Variants in CELF2 observed in about 807,000 individuals in gnomAD.
CELF2 encodes the protein CUGBP Elav-like family member 2, also known as CUG triplet repeat RNA-binding protein 2.
Under a neutral mutation model 62.6 loss-of-function variants are expected in CELF2, and 8 were observed. That is an observed-to-expected ratio of 0.13 (90% CI 0.07 to 0.23). The LOEUF is 0.23. CELF2 is among the 10% of genes least tolerant of loss of function. The pLI is 1.00. For synonymous variants in CELF2, 258 were observed against 250.0 expected, an observed-to-expected ratio of 1.03 and a Z score of -0.30; for missense variants, 333 against 671.0, an observed-to-expected ratio of 0.50 and a Z score of 5.56.
chr10:11,176,569 A>G (rs1414506093), intron 2 of CELF2, among the ~76,000 whole-genome samples: 2 of 152,120 alleles, frequency 1.3e-5, no homozygotes, highest in African/African-American at 4.8e-5. Flanking sequence ...TTGTTTTCGA[A>G]TGGGTGTGGC....
In CELF2 at chr10:10,838,531, C is replaced by G. The variant is rs561280155; in HGVS notation, c.53+39714C>G. 5.3e-5 allele frequency among the ~76,000 whole-genome samples: 8 copies of G among 152,262 alleles called. No homozygotes were observed. In the South Asian group the frequency reaches 6.2e-4, roughly 12 times the overall value. Reference sequence around the variant, plus strand: ...TCTTCTGCATGGAAGTTATGTCTCTCGTTTCCCATTTATTTAGGTATTAAA... The same window carrying G: ...TCTTCTGCATGGAAGTTATGTCTCTGGTTTCCCATTTATTTAGGTATTAAA... On this transcript the variant is annotated intron_variant, in intron 1 of 13. Transcript: ENST00000636488.
At chr10:11,252,760 A>G (rs1207006122) in intron 4 of CELF2, among the ~76,000 whole-genome samples, 1 of 152,218 alleles carries the variant, frequency 6.6e-6, no homozygotes, top group African/African-American at 2.4e-5. Context: ...CCACAGAGCC[A>G]GGTTGTCCAA....
rs376720971 is a variant in CELF2 at position 11,165,627 on chromosome 10, C to G, written c.216C>G (p.Ala72=). The change falls in exon 2 of 13, where the codon GCC becomes GCG. Residue 72 remains alanine (A), a synonymous_variant. Coordinates refer to ENST00000633077, the MANE Select transcript of CELF2 (RefSeq NM_001326342.2). This position sits in a 1 kb window ranked among gnomAD's most constrained non-coding sequence, Gnocchi z 7.4. The part of the protein sequence containing the change: ...ELKELFEPYG[A]VYQINVLRDR... The stretch of plus-strand genomic sequence containing the variant: ...AAGAACTTTTTGAGCCTTACGGAGC[C>G]GTCTACCAGATCAACGTCCTCCGGG... 1.2e-6 allele frequency: 2 copies of G among 1,614,156 alleles called. No homozygotes were observed. Among genetic ancestry groups the G allele is most frequent in the Non-Finnish European group, 1.7e-6 (2 of 1,180,010 alleles).
the CELF2 span, among the ~76,000 whole-genome samples, chr10:10,495,112 T>TG: frequency 6.0e-5 from 9 of 149,714 alleles, no homozygotes; most frequent in South Asian, 6.4e-4. Context: ...CCGTCTCTAC[T>TG]AAAAAAAAAA....
the CELF2 span, among the ~76,000 whole-genome samples, chr10:10,634,491 A>C: frequency 1.9e-4 from 29 of 152,096 alleles, no homozygotes; most frequent in Non-Finnish European, 3.4e-4. Flanking sequence ...ATATGCCTTT[A>C]TCTAAATTAG....
chr10:11,293,569 G>C (rs2092792417), intron 9 of CELF2, among the ~76,000 whole-genome samples: 1 of 152,172 alleles, frequency 6.6e-6, no homozygotes, highest in African/African-American at 2.4e-5. Context: ...TGTCAGTGCT[G>C]GCCAGGCGTT....
chr10:10,899,951 C>T (rs2062823022), intron 1 of CELF2, among the ~76,000 whole-genome samples: 2 of 152,174 alleles, frequency 1.3e-5, no homozygotes, highest in African/African-American at 2.4e-5. Context: ...GACGCAGACC[C>T]AAAGCATGTC....
At chr10:10,606,445 A>G in the CELF2 span, among the ~76,000 whole-genome samples, 1 of 152,210 alleles carries the variant, frequency 6.6e-6, no homozygotes, top group South Asian at 2.1e-4. Flanking sequence ...GGGCTGACTC[A>G]TGGTTAGTCG....
chr10:10,541,537 T>C, the CELF2 span, among the ~76,000 whole-genome samples: 1 of 152,190 alleles, frequency 6.6e-6, no homozygotes, highest in East Asian at 1.9e-4. Flanking sequence ...TATTCATAAG[T>C]TTTCCAGGAA....
chr10:10,835,935 T>C (rs1372412452), intron 1 of CELF2, among the ~76,000 whole-genome samples: 1 of 152,142 alleles, frequency 6.6e-6, no homozygotes, highest in Non-Finnish European at 1.5e-5. Flanking sequence ...GAAGTGATGG[T>C]AGTGCCGTTT....
chr10:11,060,900 G>C (rs908088119), intron 1 of CELF2, among the ~76,000 whole-genome samples: 1 of 152,222 alleles, frequency 6.6e-6, no homozygotes, highest in African/African-American at 2.4e-5. Flanking sequence ...TAAAAGTTGT[G>C]TGTGAAGTGC....
the CELF2 span, among the ~76,000 whole-genome samples, chr10:10,515,569 C>T: frequency 6.6e-6 from 1 of 152,190 alleles, no homozygotes; most frequent in Non-Finnish European, 1.5e-5. Flanking sequence ...TCCTTTTTAG[C>T]TCAGTGTCCC....
At chr10:10,989,064 A>T (rs2053144732) in intron 2 of CELF2, among the ~76,000 whole-genome samples, 1 of 152,198 alleles carries the variant, frequency 6.6e-6, no homozygotes. Context: ...AACACGTGGG[A>T]ACTGTCTGAA....
At chr10:11,049,976 C>T (rs1409078686) in intron 1 of CELF2, among the ~76,000 whole-genome samples, 1 of 152,206 alleles carries the variant, frequency 6.6e-6, no homozygotes, top group Non-Finnish European at 1.5e-5. Flanking sequence ...TTCCCCATGC[C>T]ACCTGCTGGT....
chr10:11,212,555 A>G (rs950478230), intron 2 of CELF2, among the ~76,000 whole-genome samples: 25 of 152,186 alleles, frequency 1.6e-4, no homozygotes, highest in African/African-American at 5.8e-4. Flanking sequence ...AGAAGTCATC[A>G]CTAGTGGGAC....
At chr10:10,979,981 G>A (rs2051875439) in intron 2 of CELF2, among the ~76,000 whole-genome samples, 1 of 152,198 alleles carries the variant, frequency 6.6e-6, no homozygotes, top group Non-Finnish European at 1.5e-5. Context: ...GGAGAATGTT[G>A]ACAGTGCTTG....
the CELF2 span, among the ~76,000 whole-genome samples, chr10:10,486,157 G>A: frequency 6.6e-6 from 1 of 152,158 alleles, no homozygotes; most frequent in African/African-American, 2.4e-5. Context: ...TGTGGTAGAG[G>A]TGGAAATGGT....
intron 2 of CELF2, among the ~76,000 whole-genome samples, chr10:10,944,625 AGAGTCTCACTCTGT>A (rs1226125898): frequency 5.1e-4 from 77 of 151,910 alleles, no homozygotes; most frequent in Non-Finnish European, 6.5e-4. Context: ...TTTTTGTGAC[AGAGTCTCACTCTGT>A]CACCCAGACT....
intron 2 of CELF2, among the ~76,000 whole-genome samples, chr10:11,175,432 G>A (rs1031994380): frequency 6.6e-6 from 1 of 152,232 alleles, no homozygotes; most frequent in East Asian, 1.9e-4. Context: ...AAAGTGCAGA[G>A]TGAAGCTATA....
Sources: gnomAD v4.1 joint callset for allele counts (sites outside exome capture counted in the v4.1 genomes callset) on GRCh38, gnomAD v4.1.1 for gene constraint, Gnocchi (gnomAD v3.1) non-coding constraint, MANE v1.5 for transcripts, NCBI Gene and HGNC (gene_info 2026-07-23, HGNC 2026-07-21) for gene names.